Variants in WWOX observed in about 807,000 individuals in gnomAD.
The protein encoded by WWOX is WW domain containing oxidoreductase, also known as WW domain-containing oxidoreductase.
WWOX carries 69 observed loss-of-function variants against 46.2 expected under a neutral mutation model. The ratio of observed to expected loss-of-function variants is 1.49; its 90% CI spans 1.23 to 1.82. The LOEUF (loss-of-function observed/expected upper bound fraction) is 1.82. WWOX is among the 40% of genes most tolerant of loss of function. The probability of loss-of-function intolerance (pLI) is 0.00; values close to 1 mark genes in which losing one functional copy is unlikely to be tolerated. For synonymous variants in WWOX, 359 were observed against 202.6 expected (o/e 1.77, Z -6.56); for missense variants, 919 against 542.6 (o/e 1.69, Z -6.89).
At chr16:78,155,335 G>C (rs2034561860) in intron 4 of WWOX, among the ~76,000 whole-genome samples, 1 of 152,170 alleles carries the variant, frequency 6.6e-6, no homozygotes, top group Non-Finnish European at 1.5e-5. Flanking sequence ...CTGTGGGCTT[G>C]ACTTGTCCTC....
At chr16:79,121,890 T>C (rs1437161405) in intron 8 of WWOX, among the ~76,000 whole-genome samples, 1 of 152,106 alleles carries the variant, frequency 6.6e-6, no homozygotes, top group Non-Finnish European at 1.5e-5. Flanking sequence ...TGTGTGTGTT[T>C]GTGTTTTTTT....
intron 8 of WWOX, among the ~76,000 whole-genome samples, chr16:79,190,984 A>G (rs868191509): frequency 1.1e-4 from 17 of 152,220 alleles, no homozygotes; most frequent in Non-Finnish European, 2.1e-4. Context: ...ATCATGTATC[A>G]AAGGTGATGT....
At chr16:78,911,871 G>C (rs1479171128) in intron 8 of WWOX, among the ~76,000 whole-genome samples, 1 of 151,962 alleles carries the variant, frequency 6.6e-6, no homozygotes, top group Non-Finnish European at 1.5e-5. Context: ...ATCTCAAAAA[G>C]AAAAACTCAA....
At chr16:78,286,434 G>A (rs1597445345) in intron 5 of WWOX, among the ~76,000 whole-genome samples, 1 of 152,274 alleles carries the variant, frequency 6.6e-6, no homozygotes, top group African/African-American at 2.4e-5. Context: ...ACAATCCTCT[G>A]ATTTAAAGCT....
At position 78,267,019 on chromosome 16, in the gene WWOX, G is replaced by A. The variant is rs376983575; in HGVS notation, c.516+102730G>A. The A allele has an allele frequency of 7.8e-4, 123 of 156,696 alleles. 1 individual carries two copies. The South Asian group carries it at 0.016, about 20-fold the overall frequency. 9.7% of individuals were successfully genotyped at this position (156,696 alleles called of 1,614,324 possible). On this transcript the variant is annotated intron_variant, in intron 5 of 8. Coordinates refer to ENST00000566780, the MANE Select transcript of WWOX (RefSeq NM_016373.4). The stretch of plus-strand genomic sequence containing the variant: ...GAATAAGTCTCACAAGATCTGATGG[G>A]TTTATCAGAGGGTTTTGCTTTTGCT...
intron 8 of WWOX, among the ~76,000 whole-genome samples, chr16:79,074,390 G>C (rs947569358): frequency 1.7e-5 from 2 of 116,606 alleles, no homozygotes; most frequent in Non-Finnish European, 3.5e-5. Context: ...ATCTCATCCT[G>C]ACTGAAATGT....
At chr16:79,071,955 C>A (rs2048559603) in intron 8 of WWOX, among the ~76,000 whole-genome samples, 2 of 152,098 alleles carry the variant, frequency 1.3e-5, no homozygotes, top group Admixed American at 1.3e-4. Flanking sequence ...TTCATTCATT[C>A]ATTCGTTTAC....
chr16:78,574,192 C>T (rs1041586079), intron 8 of WWOX, among the ~76,000 whole-genome samples: 1 of 152,234 alleles, frequency 6.6e-6, no homozygotes. Flanking sequence ...AAGCCAGCAA[C>T]AAGAGTTTCT....
intron 8 of WWOX, among the ~76,000 whole-genome samples, chr16:79,031,738 C>G (rs930841420): frequency 6.9e-6 from 1 of 145,912 alleles, no homozygotes; most frequent in African/African-American, 2.5e-5. Flanking sequence ...TAGGCTCTCT[C>G]TCTGTCTCTT....
intron 8 of WWOX, among the ~76,000 whole-genome samples, chr16:79,185,564 C>T (rs769152445): frequency 6.6e-6 from 1 of 152,142 alleles, no homozygotes; most frequent in African/African-American, 2.4e-5. Context: ...ATTGAGAGCT[C>T]GCCGCACAGA....
At chr16:78,376,875 C>A (rs537629084) in intron 5 of WWOX, among the ~76,000 whole-genome samples, 1 of 152,202 alleles carries the variant, frequency 6.6e-6, no homozygotes, top group African/African-American at 2.4e-5. Flanking sequence ...ATTTGAGGAT[C>A]ATTCCGATTT....
At chr16:78,582,110 A>C (rs1221338208) in intron 8 of WWOX, among the ~76,000 whole-genome samples, 3 of 152,152 alleles carry the variant, frequency 2.0e-5, no homozygotes, top group Admixed American at 1.3e-4. Flanking sequence ...TATAATCGGC[A>C]CTCATTATCT....
At chr16:79,152,673 GAA>G (rs5818205) in intron 8 of WWOX, among the ~76,000 whole-genome samples, 4 of 125,756 alleles carry the variant, frequency 3.2e-5, no homozygotes, top group Non-Finnish European at 5.4e-5. Context: ...CCATCTCAAA[GAA>G]AAAAAAAAAA....
At chr16:78,586,560 C>G (rs1420808224) in intron 8 of WWOX, among the ~76,000 whole-genome samples, 3 of 152,174 alleles carry the variant, frequency 2.0e-5, no homozygotes, top group Non-Finnish European at 2.9e-5. Flanking sequence ...CTTGTTATCT[C>G]CATTTTAGAA....
chr16:78,612,056 A>T (rs2045913467), intron 8 of WWOX, among the ~76,000 whole-genome samples: 1 of 152,214 alleles, frequency 6.6e-6, no homozygotes, highest in African/African-American at 2.4e-5. Flanking sequence ...CCTGGTGTGC[A>T]CCTGGCATAT....
chr16:78,757,878 A>G (rs1270157269), intron 8 of WWOX, among the ~76,000 whole-genome samples: 1 of 151,958 alleles, frequency 6.6e-6, no homozygotes, highest in African/African-American at 2.4e-5. Flanking sequence ...CACTCTCATG[A>G]CTGAAGTACC....
At chr16:79,039,237 C>G (rs2047925808) in intron 8 of WWOX, among the ~76,000 whole-genome samples, 2 of 152,124 alleles carry the variant, frequency 1.3e-5, no homozygotes, top group Non-Finnish European at 2.9e-5. Context: ...GAATACCGAT[C>G]TGACTTTGCA....
intron 8 of WWOX, among the ~76,000 whole-genome samples, chr16:78,723,674 C>G (rs1054133414): frequency 4.2e-5 from 6 of 141,316 alleles, no homozygotes; most frequent in Admixed American, 2.2e-4. Context: ...CTGAGAGCAT[C>G]CTGTAATGTT....
chr16:78,227,830 C>T (rs559623444), intron 5 of WWOX, among the ~76,000 whole-genome samples: 17 of 152,144 alleles, frequency 1.1e-4, no homozygotes, highest in South Asian at 8.3e-4. Flanking sequence ...TGAGTCGAGT[C>T]GTGTCAGTGC....
Sources: allele counts gnomAD v4.1 joint callset (sites outside exome capture counted in the v4.1 genomes callset), GRCh38; gene constraint gnomAD v4.1.1; transcripts MANE v1.5; gene names NCBI Gene and HGNC (gene_info 2026-07-23, HGNC 2026-07-21).